Variants in ZBTB38 observed in about 807,000 individuals in gnomAD.
ZBTB38 encodes zinc finger and BTB domain containing 38.
A neutral mutation model predicts 76.8 loss-of-function variants in ZBTB38; 20 were observed. That is an observed-to-expected ratio of 0.26 (90% CI 0.18 to 0.38). The LOEUF (loss-of-function observed/expected upper bound fraction) is 0.38, where lower values mean the gene tolerates loss of function less well. ZBTB38 is among the 10% of genes least tolerant of loss of function. ZBTB38 has a pLI of 1.00. For synonymous variants in ZBTB38, 504 were observed against 544.2 expected (o/e 0.93, Z 1.03); for missense variants, 1,082 against 1,482.3 (o/e 0.73, Z 4.43).
Position 141,445,980 on chromosome 3 carries a change from G to A in ZBTB38, c.*4G>A. The A allele has an allele frequency of 1.3e-6, 2 of 1,547,250 alleles. No homozygotes were observed. Among genetic ancestry groups the A allele is most frequent in the South Asian group, 1.2e-5 (1 of 83,750 alleles). On this transcript the variant is annotated 3_prime_UTR_variant, in exon 6 of 6. Coordinates refer to ENST00000321464, the MANE Select transcript of ZBTB38 (RefSeq NM_001376113.1). The surrounding 1 kb of genome is among the most constrained non-coding windows in gnomAD (Gnocchi z 6.5). ...TGTGGAAAATGTTGTCCTTTGAGTG[G>A]CAAGAATTAGAAAAATCTTCAAAAA...
Position 141,443,748 on chromosome 3 carries a change from G to A in ZBTB38, c.1360G>A (p.Val454Ile). ...AGACACGGACCACATGGTTAAATTT[G>A]TTAATGGGCAAATGCTCTACAGTTG... is the stretch of plus-strand genomic sequence containing the variant. Reference protein sequence around the residue: ...LPDTDHMVKFVNGQMLYSCVV... With the variant: ...LPDTDHMVKFINGQMLYSCVV... Residue 454 changes from valine (V) to isoleucine (I), a missense_variant, in exon 6 of 6, where the codon GTT (valine) becomes ATT (isoleucine). Transcript: ENST00000321464. This position sits in a 1 kb window ranked among gnomAD's most constrained non-coding sequence, Gnocchi z 5.6. 6.2e-7 allele frequency: 1 copy of A among 1,613,936 alleles called. No homozygotes were observed. Among genetic ancestry groups the A allele is most frequent in the Non-Finnish European group, 8.5e-7 (1 of 1,180,046 alleles).
At chr3:141,363,948 A>G (rs1943887695), upstream of ZBTB38, among the ~76,000 whole-genome samples, 2 of 152,222 alleles carry the variant, frequency 1.3e-5, no homozygotes, top group South Asian at 4.1e-4. Flanking sequence ...TGCCAAAAGT[A>G]CAAGTGATGA....
At chr3:141,372,515 G>T (rs1197964803) in intron 2 of ZBTB38, among the ~76,000 whole-genome samples, 2 of 151,976 alleles carry the variant, frequency 1.3e-5, no homozygotes, top group Non-Finnish European at 2.9e-5. Context: ...AGCCGAGCAG[G>T]GTGGCGCACA....
chr3:141,402,910 TTGA>T (rs1952803236), intron 4 of ZBTB38: 1 of 152,166 alleles, frequency 6.6e-6, no homozygotes, highest in South Asian at 2.1e-4. Context: ...CTATGGGAAC[TTGA>T]TGATTTCCTT....
chr3:141,365,322 T>G (rs538842871), upstream of ZBTB38, among the ~76,000 whole-genome samples: 1 of 152,354 alleles, frequency 6.6e-6, no homozygotes, highest in East Asian at 1.9e-4. Context: ...CTTACAGTTA[T>G]GAAGGCTGAG....
At chr3:141,371,785 G>C (rs1559924448) in intron 2 of ZBTB38, among the ~76,000 whole-genome samples, 1 of 152,230 alleles carries the variant, frequency 6.6e-6, no homozygotes, top group South Asian at 2.1e-4. Flanking sequence ...AAAGTTGTAA[G>C]CTCTGTTTGG....
chr3:141,397,383 A>G (rs1175867466), intron 4 of ZBTB38, among the ~76,000 whole-genome samples: 1 of 152,012 alleles, frequency 6.6e-6, no homozygotes, highest in Non-Finnish European at 1.5e-5. Context: ...GGCTCGTTTG[A>G]TCCTGTATCC....
chr3:141,398,724 C>A (rs138697947), intron 4 of ZBTB38, among the ~76,000 whole-genome samples: 2 of 152,006 alleles, frequency 1.3e-5, no homozygotes, highest in East Asian at 3.9e-4. Context: ...ATGTAGATTA[C>A]TTTTAAAATA....
intron 1 of ZBTB38, among the ~76,000 whole-genome samples, chr3:141,369,291 C>T (rs59476812): frequency 0.018 from 2,784 of 152,282 alleles, 71 homozygotes; most frequent in African/African-American, 0.063. Flanking sequence ...AAAAGATGTA[C>T]ATAATTGTGC....
chr3:141,447,190 C>G lies in ZBTB38; in HGVS notation c.*1214C>G, dbSNP rs1256208062. ...ACAAAGGAACCCCCACCCTCCACCC[C>G]ACCCATTAATGACTTGAGTGGGCAA... On this transcript the variant is annotated 3_prime_UTR_variant, in exon 6 of 6. Transcript: ENST00000321464. 2.6e-5 allele frequency: 4 copies of G among 152,636 alleles called. No homozygotes were observed. The highest frequency in any genetic ancestry group is 9.7e-5 in the African/African-American group (4 of 41,446). 9.5% of individuals were successfully genotyped at this position (152,636 alleles called of 1,614,324 possible).
Position 141,444,093 on chromosome 3 carries a change from C to T in ZBTB38, c.1705C>T (p.Leu569=), listed in dbSNP as rs544444513. The change falls in exon 6 of 6, where the codon CTG becomes TTG. Residue 569 remains leucine, a synonymous_variant. Transcript: ENST00000321464. The surrounding 1 kb of genome is among the most constrained non-coding windows in gnomAD (Gnocchi z 5.1). ...CTATCCGTATAAACTTTATAGGCTA[C>T]TGCCTATGAAATGCAAGAGAGCCCC... is the stretch of plus-strand genomic sequence containing the variant. ...SVYPYKLYRL[L]PMKCKRAPYK... 4.1e-5 allele frequency: 66 copies of T among 1,613,746 alleles called. No individual in the cohort carries two copies. Among genetic ancestry groups the T allele is most frequent in the Non-Finnish European group, 5.5e-5 (65 of 1,179,978 alleles).
rs182364370 is a variant in ZBTB38, at chr3:141,398,623, G to A, written c.-105-5304G>A. Among the ~76,000 whole-genome samples, 11 of 151,878 alleles carry A rather than the reference G, an allele frequency of 7.2e-5. No homozygotes were observed. In the East Asian group the frequency reaches 2.1e-3, roughly 29 times the overall value. On this transcript the variant is annotated intron_variant, in intron 4 of 5. Transcript: ENST00000321464. ...CAATTATCAGCTGCTAGGCAATCTT[G>A]TTTCATGTAAATCTCCTTCTGTATT...
At chr3:141,328,161 C>T (rs1295936075) in intron 1 of ZBTB38, among the ~76,000 whole-genome samples, 3 of 152,202 alleles carry the variant, frequency 2.0e-5, no homozygotes, top group Non-Finnish European at 4.4e-5. Context: ...TCCAGTTCAC[C>T]TTCTCCCAGT....
At chr3:141,324,373 C>T (rs1942613834) in exon 1 of ZBTB38, 1 of 152,160 alleles carries the variant, frequency 6.6e-6, no homozygotes, top group African/African-American at 2.4e-5. Flanking sequence ...GAAGAATGCC[C>T]TTTCCAGAGC....
rs148593855 is a variant in ZBTB38, at chr3:141,342,826, AAAT to A, written c.-739+18374_-739+18376del. On this transcript the variant is annotated intron_variant, in intron 1 of 7. Coordinates refer to the ZBTB38 transcript ENST00000509842. ...TAAAGATGGAAGGTGTTGCTGAGAGAAATAATGATTCAGGGAGGGAGAGAAGAA... is the reference window on the plus strand; with the variant it reads ...TAAAGATGGAAGGTGTTGCTGAGAGAAATGATTCAGGGAGGGAGAGAAGAA... Among the ~76,000 whole-genome samples the A allele has an allele frequency of 1.5e-3, 220 of 151,542 alleles. 1 individual carries two copies. The highest frequency in any genetic ancestry group is 5.2e-3 in the African/African-American group (214 of 41,220).
chr3:141,403,560 A>AG (rs1953136548), intron 4 of ZBTB38, among the ~76,000 whole-genome samples: 1 of 152,246 alleles, frequency 6.6e-6, no homozygotes, highest in Non-Finnish European at 1.5e-5. Context: ...CGGTTTATAT[A>AG]ATGTAAATTT....
chr3:141,437,942 C>T (rs1465351399), intron 5 of ZBTB38, among the ~76,000 whole-genome samples: 3 of 152,126 alleles, frequency 2.0e-5, no homozygotes, highest in East Asian at 1.9e-4. Flanking sequence ...GATGGAGTCT[C>T]GCTCTGTTGC....
chr3:141,395,514 G>T (rs1456909738), intron 4 of ZBTB38, among the ~76,000 whole-genome samples: 1 of 152,124 alleles, frequency 6.6e-6, no homozygotes, highest in East Asian at 1.9e-4. Context: ...AGACAAAACT[G>T]AAGATACTTC....
Position 141,447,996 on chromosome 3 carries a change from A to T in ZBTB38, c.*2020A>T, listed in dbSNP as rs1232704950. On this transcript the variant is annotated 3_prime_UTR_variant, in exon 6 of 6. Transcript: ENST00000321464. Reference sequence around the variant, plus strand: ...ACACTATTCATTTGGGTTTTATTAAAGAGATAGTCACAAAGGGCTTACGAA... The same window carrying T: ...ACACTATTCATTTGGGTTTTATTAATGAGATAGTCACAAAGGGCTTACGAA... The T allele has an allele frequency of 1.3e-5, 2 of 152,644 alleles. No homozygotes were observed. Among genetic ancestry groups the T allele is most frequent in the Admixed American group, 6.5e-5 (1 of 15,286 alleles). The allele number at this position is 152,644 out of a possible 1,614,324, so 9.5% of individuals were successfully genotyped here. A position where few individuals can be genotyped will look rare whatever the true frequency, so the allele number is the denominator to read the frequency against.
Sources: gnomAD v4.1 joint callset for allele counts (sites outside exome capture counted in the v4.1 genomes callset) on GRCh38, gnomAD v4.1.1 for gene constraint, Gnocchi (gnomAD v3.1) non-coding constraint, MANE v1.5 for transcripts, NCBI Gene and HGNC (gene_info 2026-07-23, HGNC 2026-07-21) for gene names.